The following ARSB variants were observed in gnomAD, a reference collection of about 807,000 sequenced individuals.
ARSB encodes arylsulfatase B, also known as N-acetylgalactosamine-4-sulfatase.
Under a neutral mutation model 50.9 loss-of-function variants are expected in ARSB, and 41 were observed. The observed-to-expected ratio is 0.81, with a 90% CI of 0.63 to 1.04. The LOEUF is 1.04. ARSB is among the 50% of genes least tolerant of loss of function. The pLI is 0.00. For missense variants in ARSB, 672 were observed against 693.3 expected (o/e 0.97, Z 0.35); for synonymous variants, 269 against 284.8 (o/e 0.94, Z 0.56).
chr5:78,925,783 C>T (rs766727906), intron 4 of ARSB, among the ~76,000 whole-genome samples: 5 of 152,156 alleles, frequency 3.3e-5, no homozygotes, highest in Non-Finnish European at 5.9e-5. Flanking sequence ...TGCTTTTCGA[C>T]AAATGACTTC....
At chr5:78,809,138 A>C (rs1561434344) in intron 6 of ARSB, among the ~76,000 whole-genome samples, 1 of 152,224 alleles carries the variant, frequency 6.6e-6, no homozygotes. Context: ...AAAGAATGTG[A>C]ATAAATAACT....
At chr5:78,913,707 A>T (rs1322995973) in intron 4 of ARSB, among the ~76,000 whole-genome samples, 2 of 152,174 alleles carry the variant, frequency 1.3e-5, no homozygotes, top group African/African-American at 4.8e-5. Flanking sequence ...CATCACAATT[A>T]TTCTCTGCTA....
At chr5:78,921,393 CAT>C (rs57745952) in intron 4 of ARSB, among the ~76,000 whole-genome samples, 20,036 of 151,930 alleles carry the variant, frequency 0.13, 1,563 homozygotes, top group Middle Eastern at 0.23. Context: ...TATACACACA[CAT>C]ATATGTGTAT....
chr5:78,976,764 T>C (rs373908667), intron 1 of ARSB, among the ~76,000 whole-genome samples: 7 of 152,350 alleles, frequency 4.6e-5, no homozygotes, highest in African/African-American at 1.4e-4. Flanking sequence ...TAGTGTATAA[T>C]AGCCTCAATG....
intron 4 of ARSB, among the ~76,000 whole-genome samples, chr5:78,897,054 C>CA (rs143918609): frequency 0.064 from 9,374 of 147,336 alleles, 639 homozygotes; most frequent in African/African-American, 0.17. Flanking sequence ...AGTAGAAATA[C>CA]AAAAAAAAAG....
chr5:78,867,681 C>T (rs1010473075), intron 5 of ARSB, among the ~76,000 whole-genome samples: 8 of 152,044 alleles, frequency 5.3e-5, no homozygotes, highest in Non-Finnish European at 8.8e-5. Flanking sequence ...TCATCAAAGA[C>T]CAAAAGTAGA....
chr5:78,845,130 G>T (rs1358014209), intron 5 of ARSB, among the ~76,000 whole-genome samples: 7 of 151,976 alleles, frequency 4.6e-5, no homozygotes, highest in African/African-American at 1.7e-4. Flanking sequence ...AGAACATGTG[G>T]TATTTATCTT....
intron 6 of ARSB, among the ~76,000 whole-genome samples, chr5:78,820,834 T>A (rs1348011842): frequency 6.6e-6 from 1 of 151,578 alleles, no homozygotes; most frequent in East Asian, 1.9e-4. Context: ...AATTGCCAAA[T>A]CTCCCCTGGG....
chr5:78,889,549 T>C (rs1031953281), intron 4 of ARSB, among the ~76,000 whole-genome samples: 14 of 152,164 alleles, frequency 9.2e-5, no homozygotes, highest in African/African-American at 3.4e-4. Context: ...AATCTAATTA[T>C]AAGGCCTTTA....
chr5:78,904,794 T>G (rs1748970750), intron 4 of ARSB, among the ~76,000 whole-genome samples: 1 of 151,356 alleles, frequency 6.6e-6, no homozygotes, highest in South Asian at 2.1e-4. Context: ...GTTCAAGCAA[T>G]TCTCCTGCCT....
intron 5 of ARSB, among the ~76,000 whole-genome samples, chr5:78,861,106 G>A (rs1245210338): frequency 6.6e-6 from 1 of 152,168 alleles, no homozygotes; most frequent in African/African-American, 2.4e-5. Flanking sequence ...CTCTGAAATT[G>A]AGGCAATAAA....
intron 4 of ARSB, among the ~76,000 whole-genome samples, chr5:78,887,327 C>T (rs1748085863): frequency 6.6e-6 from 1 of 152,092 alleles, no homozygotes; most frequent in Non-Finnish European, 1.5e-5. Context: ...TTTATAACAA[C>T]CCACTCTCAT....
chr5:78,946,954 G>C (rs1348571589), intron 4 of ARSB, among the ~76,000 whole-genome samples: 2 of 152,044 alleles, frequency 1.3e-5, no homozygotes, highest in African/African-American at 4.8e-5. Flanking sequence ...GAAGAGAATA[G>C]AGAACCCAAA....
At chr5:78,902,705 T>A (rs1271069289) in intron 4 of ARSB, among the ~76,000 whole-genome samples, 1 of 152,198 alleles carries the variant, frequency 6.6e-6, no homozygotes, top group Admixed American at 6.5e-5. Flanking sequence ...TTACGAAATG[T>A]CTAGCTTAGT....
intron 4 of ARSB, among the ~76,000 whole-genome samples, chr5:78,888,613 A>G (rs930747496): frequency 4.6e-5 from 7 of 152,224 alleles, no homozygotes; most frequent in African/African-American, 1.7e-4. Flanking sequence ...TTAGTGCTCA[A>G]CGGAAAGTAT....
chr5:78,892,998 AT>A (rs1748388602), intron 4 of ARSB, among the ~76,000 whole-genome samples: 1 of 152,202 alleles, frequency 6.6e-6, no homozygotes, highest in Non-Finnish European at 1.5e-5. Context: ...CTCATCTTGA[AT>A]TGTAGCTCCC....
rs2112514072 is a variant in ARSB at position 78,964,526 on chromosome 5, G to C, written c.580C>G (p.Leu194Val). 6.2e-7 allele frequency: 1 copy of C among 1,613,990 alleles called. No individual in the cohort carries two copies. The highest frequency in any genetic ancestry group is 8.5e-7 in the Non-Finnish European group (1 of 1,179,922). Reference sequence around the variant, plus strand: ...ACTTCTTCGCCATCTCGAAAATCAAGAGCACATCGTGTGACATTCAGAGCG... The same window carrying C: ...ACTTCTTCGCCATCTCGAAAATCAACAGCACATCGTGTGACATTCAGAGCG... ...IDALNVTRCA[L>V]DFRDGEEVAT... The change falls in exon 3 of 8, where the codon CTT (leucine) becomes GTT (valine). Residue 194 changes from leucine (L) to valine (V), a missense_variant. By Grantham distance (32) the Leu-to-Val change is conservative. Transcript: ENST00000264914.
intron 5 of ARSB, among the ~76,000 whole-genome samples, chr5:78,869,616 G>A (rs921447394): frequency 2.9e-4 from 44 of 151,930 alleles, no homozygotes; most frequent in Non-Finnish European, 4.3e-4. Flanking sequence ...TGAAACCAGC[G>A]AGAACAAAGA....
At chr5:78,963,053 T>G (rs1456787330) in intron 3 of ARSB, among the ~76,000 whole-genome samples, 1 of 152,262 alleles carries the variant, frequency 6.6e-6, no homozygotes, top group Non-Finnish European at 1.5e-5. Context: ...GGGAGCCTAA[T>G]GGCAGCTGTC....
Sources: gnomAD v4.1 joint callset for allele counts (sites outside exome capture counted in the v4.1 genomes callset) on GRCh38, gnomAD v4.1.1 for gene constraint, MANE v1.5 for transcripts, NCBI Gene and HGNC (gene_info 2026-07-23, HGNC 2026-07-21) for gene names.